FRMD8: variants seen among roughly 807,000 people sequenced by gnomAD.
The protein encoded by FRMD8 is FERM domain-containing protein 8.
A neutral mutation model predicts 54.2 loss-of-function variants in FRMD8; 37 were observed. The ratio of observed to expected loss-of-function variants is 0.68; its 90% confidence interval spans 0.53 to 0.90. The LOEUF is 0.90. Ranked by LOEUF, FRMD8 falls within the 40% of genes least tolerant of loss-of-function variation. The pLI, the probability that FRMD8 is intolerant of heterozygous loss-of-function variation, is 0.00. For synonymous variants in FRMD8, 246 were observed against 286.9 expected (o/e 0.86, Z 1.44); for missense variants, 585 against 653.7 (o/e 0.89, Z 1.15).
chr11:65,371,368 C>A, the FRMD8 span, among the ~76,000 whole-genome samples: 1 of 152,148 alleles, frequency 6.6e-6, no homozygotes, highest in East Asian at 1.9e-4. Flanking sequence ...AAGTATGACG[C>A]TGGACAACAG....
the FRMD8 span, chr11:65,376,490 C>T: frequency 6.2e-7 from 1 of 1,614,074 alleles, no homozygotes; most frequent in Non-Finnish European, 8.5e-7. Flanking sequence ...TTGATGGTGA[C>T]CCCCCGGAAG....
chr11:65,398,994 G>GT (rs33928334), intron 7 of FRMD8, among the ~76,000 whole-genome samples: 2 of 99,884 alleles, frequency 2.0e-5, no homozygotes, highest in African/African-American at 7.6e-5. Context: ...TCTTCTCAAT[G>GT]TTTTTTTTTT....
upstream of FRMD8, among the ~76,000 whole-genome samples, chr11:65,385,907 T>C (rs1855721809): frequency 6.6e-6 from 1 of 152,048 alleles, no homozygotes; most frequent in African/African-American, 2.4e-5. Context: ...ACCATTCTCC[T>C]GCCTCAGCCT....
chr11:65,388,014 A>G (rs575212788), intron 2 of FRMD8, among the ~76,000 whole-genome samples: 156 of 152,162 alleles, frequency 1.0e-3, no homozygotes, highest in Admixed American at 2.1e-3. Context: ...AAAAATGCAA[A>G]TTAGCTGGGC....
the FRMD8 span, chr11:65,380,261 G>A: frequency 6.3e-6 from 10 of 1,598,466 alleles, no homozygotes; most frequent in Non-Finnish European, 8.6e-6. Flanking sequence ...GAGGGGTTCA[G>A]GCAGGAGGAA....
Position 65,412,479 on chromosome 11 carries a change from T to C in FRMD8, c.*1119T>C, listed in dbSNP as rs1488710152. On this transcript the variant is annotated 3_prime_UTR_variant, in exon 11 of 11. Coordinates refer to ENST00000317568, the MANE Select transcript of FRMD8 (RefSeq NM_031904.5). ...TGGAAAGGTGACTGATATGGGTGCT[T>C]GGCTTCTCTGGTCCCAGCTTGCCCT... 2 of 152,328 alleles carry C rather than the reference T, an allele frequency of 1.3e-5. No individual in the cohort carries two copies. The highest frequency in any genetic ancestry group is 1.3e-4 in the Admixed American group (2 of 15,288). The allele number at this position is 152,328 out of a possible 1,614,324, so 9.4% of individuals were successfully genotyped here.
At chr11:65,395,549 A>C (rs1049324149) in intron 6 of FRMD8, among the ~76,000 whole-genome samples, 2 of 152,166 alleles carry the variant, frequency 1.3e-5, no homozygotes, top group Non-Finnish European at 2.9e-5. Context: ...CAAAAAAGAA[A>C]AAAAAGGACT....
chr11:65,398,471 A>C (rs1339970437), intron 7 of FRMD8, among the ~76,000 whole-genome samples: 1 of 152,246 alleles, frequency 6.6e-6, no homozygotes, highest in Non-Finnish European at 1.5e-5. Context: ...AGTGTGGGCC[A>C]GGTGAGAAGG....
chr11:65,389,606 T>TGGAGCCGCTGG, intron 3 of FRMD8, 78 bp downstream of exon 3: 2 of 1,422,472 alleles, frequency 1.4e-6, no homozygotes, highest in East Asian at 2.5e-5. Flanking sequence ...GGGCAGTGTT[T>TGGAGCCGCTGG]GGAGCCGCTG....
chr11:65,405,348 G>A (rs116034993), intron 10 of FRMD8, among the ~76,000 whole-genome samples: 5,681 of 152,352 alleles, frequency 0.037, 397 homozygotes, highest in African/African-American at 0.13. Context: ...TAGGTGGGGC[G>A]CGGTGGCTCA....
In FRMD8 at chr11:65,386,664, G is replaced by A; in HGVS notation, c.-98G>A. The A allele has an allele frequency of 3.9e-6, 1 of 256,836 alleles. No homozygotes were observed. Among genetic ancestry groups the A allele is most frequent in the East Asian group, 7.6e-5 (1 of 13,194 alleles). 15.9% of individuals were successfully genotyped at this position (256,836 alleles called of 1,614,324 possible). On this transcript the variant is annotated 5_prime_UTR_variant, in exon 1 of 11. Transcript: ENST00000317568. The stretch of plus-strand genomic sequence containing the variant: ...CGCTTCCCGGTCAGCTGCGTCCTTA[G>A]CGGGAGCCCGAGTGCGGGCGGTGGC...
Position 65,386,711 on chromosome 11 carries a change from T to G in FRMD8, c.-51T>G. 3.0e-6 allele frequency: 1 copy of G among 336,626 alleles called. No individual in the cohort carries two copies. Among genetic ancestry groups the G allele is most frequent in the Non-Finnish European group, 5.4e-6 (1 of 184,456 alleles). 20.9% of individuals were successfully genotyped at this position (336,626 alleles called of 1,614,324 possible). On this transcript the variant is annotated 5_prime_UTR_variant, in exon 1 of 11. Transcript: ENST00000317568. ...TGGCGGGCTTGGCGGCGGGGCAGGA[T>G]TCCAGGCAGGAGCCTTGCCTCTCAG...
At chr11:65,368,625 G>A in the FRMD8 span, among the ~76,000 whole-genome samples, 3 of 152,068 alleles carry the variant, frequency 2.0e-5, no homozygotes, top group South Asian at 4.2e-4. Flanking sequence ...GTGCAGTGGC[G>A]CAATCTCGGC....
upstream of FRMD8, among the ~76,000 whole-genome samples, chr11:65,385,267 C>G (rs1419712106): frequency 5.9e-5 from 9 of 152,200 alleles, no homozygotes; most frequent in Non-Finnish European, 8.8e-5. Flanking sequence ...CCACTGGACA[C>G]CCTTCCCTGC....
At chr11:65,402,816 C>CT (rs926102011) in intron 9 of FRMD8, among the ~76,000 whole-genome samples, 2,271 of 145,588 alleles carry the variant, frequency 0.016, 52 homozygotes, top group African/African-American at 0.053. Flanking sequence ...TTATCCATTT[C>CT]TTTTTTTTTT....
chr11:65,380,304 A>T, the FRMD8 span: 2 of 1,362,414 alleles, frequency 1.5e-6, no homozygotes, highest in Non-Finnish European at 2.1e-6. Flanking sequence ...ACATGCAGCC[A>T]CCTTCCTGCC....
In FRMD8 at chr11:65,400,908, C is replaced by A. The variant is rs1856063547; in HGVS notation, c.1071+41C>A. 2 of 1,548,840 alleles carry A rather than the reference C, an allele frequency of 1.3e-6. No individual in the cohort carries two copies. The highest frequency in any genetic ancestry group is 1.7e-6 in the Non-Finnish European group (2 of 1,146,894). On this transcript the variant is annotated intron_variant, in intron 9 of 10. Coordinates refer to ENST00000317568, the MANE Select transcript of FRMD8 (RefSeq NM_031904.5). This position sits in a 1 kb window ranked among gnomAD's most constrained non-coding sequence, Gnocchi z 4.3. ...CCTGCACACGGGTGGGGAGGCTGGG[C>A]CCAGGTGCCCTGGGTCCCAGACAAT...
chr11:65,389,029 A>G (rs576786637), intron 2 of FRMD8, among the ~76,000 whole-genome samples: 21 of 152,260 alleles, frequency 1.4e-4, no homozygotes, highest in Middle Eastern at 3.4e-3. Flanking sequence ...TGGGGCAGCT[A>G]TGGTGGTGAG....
the FRMD8 span, chr11:65,379,400 C>T: frequency 1.8e-4 from 289 of 1,611,534 alleles, no homozygotes; most frequent in Non-Finnish European, 2.3e-4. Flanking sequence ...CGGTGCAGCC[C>T]GCTAGGAAGA....
Sources: allele counts gnomAD v4.1 joint callset (sites outside exome capture counted in the v4.1 genomes callset), GRCh38; gene constraint gnomAD v4.1.1; non-coding constraint Gnocchi (gnomAD v3.1); transcripts MANE v1.5; gene names NCBI Gene and HGNC (gene_info 2026-07-23, HGNC 2026-07-21).